The following CYB5A variants were observed in gnomAD, a reference collection of about 807,000 sequenced individuals.
CYB5A encodes the protein cytochrome b5 type A, also known as cytochrome b5.
A neutral mutation model predicts 16.2 loss-of-function variants in CYB5A; 10 were observed. That is an observed-to-expected ratio of 0.62 (90% CI 0.38 to 1.04). CYB5A has a LOEUF of 1.04. Ranked by LOEUF, CYB5A falls within the 50% of genes least tolerant of loss-of-function variation. The probability of loss-of-function intolerance (pLI) is 0.01; values close to 1 mark genes in which losing one functional copy is unlikely to be tolerated. For synonymous variants in CYB5A, 62 were observed against 57.0 expected, an observed-to-expected ratio of 1.09 and a Z score of -0.40; for missense variants, 161 against 165.9, an observed-to-expected ratio of 0.97 and a Z score of 0.16.
chr18:74,279,803 G>C (rs976190879), intron 1 of CYB5A, among the ~76,000 whole-genome samples: 1 of 152,110 alleles, frequency 6.6e-6, no homozygotes, highest in Non-Finnish European at 1.5e-5. Context: ...TTCCACATCA[G>C]CTTTCTAGTA....
chr18:74,284,193 T>C (rs541252280), intron 1 of CYB5A, among the ~76,000 whole-genome samples: 81 of 143,404 alleles, frequency 5.6e-4, no homozygotes, highest in African/African-American at 2.1e-3. Flanking sequence ...GATTGCACCA[T>C]TGCACTCCAG....
At chr18:74,263,573 C>T (rs1425049360) in intron 1 of CYB5A, 96 bp from the exon 2 acceptor site, 1 of 1,014,270 alleles carries the variant, frequency 9.9e-7, no homozygotes, top group African/African-American at 1.8e-5. Flanking sequence ...GTGACTCCTT[C>T]AGAAGACACA....
intron 1 of CYB5A, among the ~76,000 whole-genome samples, chr18:74,281,743 CTGTGTG>C (rs112934460): frequency 1.4e-5 from 2 of 138,744 alleles, no homozygotes; most frequent in African/African-American, 5.8e-5. Flanking sequence ...TCAAGGGAGG[CTGTGTG>C]TGTGTGTGTG....
intron 1 of CYB5A, among the ~76,000 whole-genome samples, chr18:74,271,884 A>T (rs1468805173): frequency 6.6e-6 from 1 of 152,250 alleles, no homozygotes; most frequent in Non-Finnish European, 1.5e-5. Flanking sequence ...GGACCAAATG[A>T]GTCTCCTATG....
chr18:74,256,859 A>G (rs1011194361), intron 3 of CYB5A: 4 of 1,613,456 alleles, frequency 2.5e-6, no homozygotes, highest in Non-Finnish European at 3.4e-6. Flanking sequence ...GGTTCCTGAC[A>G]CAGTAGGGGA....
intron 3 of CYB5A, 33 bp from the exon 4 acceptor site, chr18:74,255,808 C>T: frequency 1.3e-6 from 2 of 1,533,630 alleles, no homozygotes; most frequent in Non-Finnish European, 1.8e-6. Context: ...AAAGTAAGTT[C>T]AAGGGAATGC....
At chr18:74,275,234 T>C (rs1411269740) in intron 1 of CYB5A, among the ~76,000 whole-genome samples, 1 of 152,208 alleles carries the variant, frequency 6.6e-6, no homozygotes, top group African/African-American at 2.4e-5. Context: ...CTTAAAACTC[T>C]GAGCTGGGAA....
chr18:74,286,697 C>T (rs1186417211), intron 1 of CYB5A, among the ~76,000 whole-genome samples: 5 of 152,180 alleles, frequency 3.3e-5, no homozygotes, highest in South Asian at 2.1e-4. Context: ...GAATGCCCAG[C>T]GGGACAGGGT....
At chr18:74,291,142 G>A (rs571004115) in intron 1 of CYB5A, 16 of 183,022 alleles carry the variant, frequency 8.7e-5, no homozygotes, top group Non-Finnish European at 1.8e-4. Context: ...CTCCGCACTT[G>A]GGGTCCCCTC....
intron 2 of CYB5A, chr18:74,261,395 C>A: frequency 4.8e-6 from 1 of 210,354 alleles, no homozygotes; most frequent in East Asian, 1.1e-4. Flanking sequence ...CAGGCTGAAG[C>A]TGTCAAAAAT....
intron 1 of CYB5A, among the ~76,000 whole-genome samples, chr18:74,277,934 C>G (rs2145071469): frequency 2.0e-5 from 3 of 152,366 alleles, no homozygotes; most frequent in Middle Eastern, 6.8e-3. Flanking sequence ...TGCCGAAGAT[C>G]TCTGCATTTC....
At chr18:74,279,067 C>G (rs1982988783) in intron 1 of CYB5A, among the ~76,000 whole-genome samples, 2 of 152,220 alleles carry the variant, frequency 1.3e-5, no homozygotes, top group African/African-American at 4.8e-5. Flanking sequence ...CCAGTCCTGC[C>G]AGGCCCAGAG....
rs368742325 is a variant in CYB5A, at chr18:74,265,757, T to C, written c.130-2280A>G. ...TGGAAGGCCCGGGGGAGCCCACACA[T>C]CTCATGGCGAGAGAGGAGGTGGTCC... On this transcript the variant is annotated intron_variant, in intron 1 of 4. Coordinates refer to ENST00000340533, the MANE Select transcript of CYB5A (RefSeq NM_148923.4). Among the ~76,000 whole-genome samples the C allele has an allele frequency of 4.6e-5, 7 of 152,238 alleles. No homozygotes were observed. The East Asian group carries it at 9.7e-4, about 21-fold the overall frequency.
chr18:74,267,223 T>C (rs1982478881), intron 1 of CYB5A, among the ~76,000 whole-genome samples: 2 of 152,044 alleles, frequency 1.3e-5, no homozygotes, highest in African/African-American at 4.8e-5. Flanking sequence ...GTGACGCAAT[T>C]TCAGCTCACT....
intron 1 of CYB5A, among the ~76,000 whole-genome samples, chr18:74,280,908 C>T (rs529023128): frequency 5.9e-5 from 9 of 152,168 alleles, no homozygotes; most frequent in African/African-American, 1.9e-4. Context: ...TGTAATCAGC[C>T]CTTGAAGGGT....
At chr18:74,260,694 A>T (rs1225483139) in intron 3 of CYB5A, 8 of 626,018 alleles carry the variant, frequency 1.3e-5, no homozygotes, top group Non-Finnish European at 2.1e-5. Context: ...AAAGTAGTTT[A>T]CTGACAGCCT....
At chr18:74,278,872 A>G (rs112229286) in intron 1 of CYB5A, among the ~76,000 whole-genome samples, 35 of 152,256 alleles carry the variant, frequency 2.3e-4, no homozygotes, top group Admixed American at 2.6e-4. Flanking sequence ...TGCCCTGACC[A>G]GTATTTCAAC....
chr18:74,279,607 G>A (rs1361880844), intron 1 of CYB5A, among the ~76,000 whole-genome samples: 3 of 152,110 alleles, frequency 2.0e-5, no homozygotes, highest in Admixed American at 6.5e-5. Context: ...GCCCAGAGGT[G>A]GAAAGAAAGC....
intron 1 of CYB5A, among the ~76,000 whole-genome samples, chr18:74,265,224 T>G (rs192708325): frequency 1.5e-4 from 23 of 152,338 alleles, no homozygotes; most frequent in Non-Finnish European, 2.6e-4. Flanking sequence ...TTTTTTCTTT[T>G]TATAACATTT....
Sources: allele counts gnomAD v4.1 joint callset (sites outside exome capture counted in the v4.1 genomes callset), GRCh38; gene constraint gnomAD v4.1.1; transcripts MANE v1.5; gene names NCBI Gene and HGNC (gene_info 2026-07-23, HGNC 2026-07-21).